Variants in RABGAP1L observed in about 807,000 individuals in gnomAD.
RABGAP1L encodes the protein rab GTPase-activating protein 1-like.
A neutral mutation model predicts 137.7 loss-of-function variants in RABGAP1L; 63 were observed. That is an observed-to-expected ratio of 0.46 (90% CI 0.37 to 0.56). RABGAP1L has a LOEUF of 0.56. RABGAP1L is among the 20% of genes least tolerant of loss of function. RABGAP1L has a pLI of 0.00. For synonymous variants in RABGAP1L, 431 were observed against 433.7 expected, an observed-to-expected ratio of 0.99 and a Z score of 0.08; for missense variants, 1,095 against 1,244.0, an observed-to-expected ratio of 0.88 and a Z score of 1.80.
At chr1:174,364,492 G>A (rs1684442154) in intron 11 of RABGAP1L, among the ~76,000 whole-genome samples, 1 of 151,424 alleles carries the variant, frequency 6.6e-6, no homozygotes, top group South Asian at 2.1e-4. Flanking sequence ...CTGACCTCGT[G>A]ATCCACCCGC....
intron 13 of RABGAP1L, among the ~76,000 whole-genome samples, chr1:174,598,132 T>C (rs1340255561): frequency 6.6e-6 from 1 of 151,984 alleles, no homozygotes; most frequent in Non-Finnish European, 1.5e-5. Flanking sequence ...AGATCAAGGC[T>C]ATCCTGGCCA....
chr1:174,817,934 T>G (rs1021722413), intron 19 of RABGAP1L, among the ~76,000 whole-genome samples: 22 of 152,256 alleles, frequency 1.4e-4, no homozygotes, highest in African/African-American at 4.8e-4. Flanking sequence ...GGATTCTTAC[T>G]TAAGCAACTT....
intron 4 of RABGAP1L, among the ~76,000 whole-genome samples, chr1:174,233,069 T>C (rs542430559): frequency 6.6e-6 from 1 of 152,284 alleles, no homozygotes; most frequent in East Asian, 1.9e-4. Context: ...TCCTGGTTCA[T>C]GTGTTCTTAC....
At chr1:174,949,476 G>A (rs368077720) in intron 19 of RABGAP1L, among the ~76,000 whole-genome samples, 3 of 152,150 alleles carry the variant, frequency 2.0e-5, no homozygotes, top group African/African-American at 7.2e-5. Context: ...GCATTGGTTG[G>A]GGGAGCAGAC....
At chr1:174,410,351 C>A (rs1026983395) in intron 13 of RABGAP1L, among the ~76,000 whole-genome samples, 2 of 152,122 alleles carry the variant, frequency 1.3e-5, no homozygotes, top group African/African-American at 4.8e-5. Flanking sequence ...TGAGGTCTTA[C>A]ATTTAAAAAT....
chr1:174,448,829 C>CG lies in RABGAP1L; in HGVS notation c.1710+54685dup. The CG allele has an allele frequency of 6.2e-7, 1 of 1,614,034 alleles. No homozygotes were observed. The highest frequency in any genetic ancestry group is 8.5e-7 in the Non-Finnish European group (1 of 1,179,958). On this transcript the variant is annotated intron_variant, in intron 13 of 25. Coordinates refer to ENST00000681986, the MANE Select transcript of RABGAP1L (RefSeq NM_001366446.1). This position sits in a 1 kb window ranked among gnomAD's most constrained non-coding sequence, Gnocchi z 4.2. ...TCAGCACACCAAAGAGATAAATGACCGAAGAGCCCGATTCCCTAGTCATGA... is the reference window on the plus strand; with the variant it reads ...TCAGCACACCAAAGAGATAAATGACCGGAAGAGCCCGATTCCCTAGTCATGA...
intron 17 of RABGAP1L, among the ~76,000 whole-genome samples, chr1:174,718,039 T>A (rs1681168081): frequency 6.6e-6 from 1 of 152,214 alleles, no homozygotes; most frequent in Non-Finnish European, 1.5e-5. Flanking sequence ...ACCTGAGTCT[T>A]CTTAGCCACC....
chr1:174,810,512 A>G (rs1403413847), intron 18 of RABGAP1L, among the ~76,000 whole-genome samples: 3 of 152,202 alleles, frequency 2.0e-5, no homozygotes, highest in African/African-American at 4.8e-5. Context: ...CTTCCTGCCT[A>G]CTTTTTCAGT....
intron 19 of RABGAP1L, among the ~76,000 whole-genome samples, chr1:174,875,868 A>C (rs915834596): frequency 6.6e-6 from 1 of 152,230 alleles, no homozygotes; most frequent in African/African-American, 2.4e-5. Flanking sequence ...AAAATGAAGT[A>C]AAAATGCTTT....
Position 174,241,484 on chromosome 1 carries a change from A to T in RABGAP1L, c.544A>T (p.Ile182Phe), listed in dbSNP as rs758563415. ...VPNVPEGSVR[I>F]IDQSSNVEIA... ...TAACTTTTCATTACTGTTCTACAGAATTATAGACCAATCCAGCAATGTGGA... is the reference window on the plus strand; with the variant it reads ...TAACTTTTCATTACTGTTCTACAGATTTATAGACCAATCCAGCAATGTGGA... Residue 182 changes from isoleucine to phenylalanine, a missense_variant and splice_region_variant, in exon 5 of 26, where the codon ATT (isoleucine) becomes TTT (phenylalanine). Around this residue, in one of 4 missense-constraint regions of RABGAP1L, gnomAD observed 356 missense variants for 326.3 expected, o/e 1.09. Transcript: ENST00000681986. 5 of 1,573,878 alleles carry T rather than the reference A, an allele frequency of 3.2e-6. No homozygotes were observed. The African/African-American group carries it at 6.8e-5, about 21-fold the overall frequency.
chr1:174,817,467 G>A (rs898196925), intron 19 of RABGAP1L, among the ~76,000 whole-genome samples: 2 of 152,160 alleles, frequency 1.3e-5, no homozygotes, highest in Non-Finnish European at 1.5e-5. Context: ...AAAATATGGA[G>A]TTGCCCAAGA....
At position 174,990,247 on chromosome 1, in the gene RABGAP1L, A is replaced by G. The variant is rs1671969493; in HGVS notation, c.*246A>G. ...GTTCAGATCCATCATAGTATTACAC[A>G]TTATTTTGTTTGCCTGATGTTTAGT... On this transcript the variant is annotated 3_prime_UTR_variant, in exon 26 of 26. Coordinates refer to ENST00000681986, the MANE Select transcript of RABGAP1L (RefSeq NM_001366446.1). The G allele has an allele frequency of 2.8e-6, 1 of 361,772 alleles. No individual in the cohort carries two copies. The highest frequency in any genetic ancestry group is 4.9e-6 in the Non-Finnish European group (1 of 205,954). 22.4% of individuals were successfully genotyped at this position (361,772 alleles called of 1,614,324 possible).
At chr1:174,386,250 C>G (rs1215499716) in intron 12 of RABGAP1L, among the ~76,000 whole-genome samples, 1 of 152,126 alleles carries the variant, frequency 6.6e-6, no homozygotes, top group African/African-American at 2.4e-5. Context: ...ATTGTTGCAG[C>G]AGCTCTCTGA....
intron 11 of RABGAP1L, among the ~76,000 whole-genome samples, chr1:174,305,767 A>G (rs1678167230): frequency 6.6e-6 from 1 of 151,098 alleles, no homozygotes; most frequent in Non-Finnish European, 1.5e-5. Flanking sequence ...CTTTGCATAT[A>G]TATATATATT....
intron 17 of RABGAP1L, among the ~76,000 whole-genome samples, chr1:174,742,510 T>C (rs1683529179): frequency 6.6e-6 from 1 of 152,074 alleles, no homozygotes; most frequent in Non-Finnish European, 1.5e-5. Flanking sequence ...GAGCAAGACT[T>C]CATTTCAAAG....
intron 19 of RABGAP1L, among the ~76,000 whole-genome samples, chr1:174,924,146 T>G (rs1447718507): frequency 6.6e-6 from 1 of 152,028 alleles, no homozygotes; most frequent in African/African-American, 2.4e-5. Context: ...CCCAGCACTT[T>G]GGGAGGGCAA....
At chr1:174,705,603 A>G (rs967897880) in intron 17 of RABGAP1L, 3 of 152,182 alleles carry the variant, frequency 2.0e-5, no homozygotes, top group Non-Finnish European at 2.9e-5. Context: ...GTAAATGGTA[A>G]CATCCTTTAC....
At chr1:174,397,288 C>T (rs978648192) in intron 13 of RABGAP1L, among the ~76,000 whole-genome samples, 1 of 152,176 alleles carries the variant, frequency 6.6e-6, no homozygotes, top group African/African-American at 2.4e-5. Context: ...GTGAAGATTG[C>T]GGGGAGGCAA....
intron 1 of RABGAP1L, among the ~76,000 whole-genome samples, chr1:174,170,801 T>C (rs532355459): frequency 9.6e-4 from 146 of 152,306 alleles, no homozygotes; most frequent in African/African-American, 3.3e-3. Flanking sequence ...GGTACTTGTT[T>C]TGCACATTTC....
Sources: gnomAD v4.1 joint callset for allele counts (sites outside exome capture counted in the v4.1 genomes callset) on GRCh38, gnomAD v4.1.1 for gene constraint, gnomAD v4.1.1 regional missense constraint, Gnocchi (gnomAD v3.1) non-coding constraint, MANE v1.5 for transcripts, NCBI Gene and HGNC (gene_info 2026-07-23, HGNC 2026-07-21) for gene names.